The following TENM4 variants were observed in gnomAD, a reference collection of about 807,000 sequenced individuals.
TENM4 encodes the protein teneurin transmembrane protein 4.
Under a neutral mutation model 243.3 loss-of-function variants are expected in TENM4, and 82 were observed. The ratio of observed to expected loss-of-function variants is 0.34; its 90% CI spans 0.28 to 0.40. The LOEUF is 0.40. TENM4 is among the 10% of genes least tolerant of loss of function. The pLI, the probability that TENM4 is intolerant of heterozygous loss-of-function variation, is 1.00. For synonymous variants in TENM4, 1,412 were observed against 1,456.3 expected (o/e 0.97, Z 0.69); for missense variants, 3,138 against 3,673.3 (o/e 0.85, Z 3.77).
At chr11:78,673,105 G>A (rs1034975794) in intron 30 of TENM4, among the ~76,000 whole-genome samples, 1 of 152,086 alleles carries the variant, frequency 6.6e-6, no homozygotes, top group East Asian at 1.9e-4. Flanking sequence ...GATCGGGAGT[G>A]CCTTGTATAA....
chr11:78,805,277 T>TGCCCCCCCCCCCACCCCCCCCCC lies in TENM4; in HGVS notation c.2179+14_2179+15insGGGGGGGGGGTGGGGGGGGGGGC. 7.1e-7 allele frequency: 1 copy of TGCCCCCCCCCCCACCCCCCCCCC among 1,402,550 alleles called. No individual in the cohort carries two copies. Among genetic ancestry groups the TGCCCCCCCCCCCACCCCCCCCCC allele is most frequent in the East Asian group, 3.1e-5 (1 of 32,218 alleles). 86.9% of individuals were successfully genotyped at this position (1,402,550 alleles called of 1,614,324 possible). ...CCCCTCCCTCTACCCATGCTTCTTCTCCCCCTGCATTTACCGATAGAACAG... is the reference window on the plus strand; with the variant it reads ...CCCCTCCCTCTACCCATGCTTCTTCTGCCCCCCCCCCCACCCCCCCCCCCCCCCTGCATTTACCGATAGAACAG... On this transcript the variant is annotated intron_variant, in intron 15 of 33. Coordinates refer to ENST00000278550, the MANE Select transcript of TENM4 (RefSeq NM_001098816.3).
chr11:79,175,190 G>A (rs1272275318), intron 3 of TENM4, among the ~76,000 whole-genome samples: 1 of 152,132 alleles, frequency 6.6e-6, no homozygotes, highest in African/African-American at 2.4e-5. Flanking sequence ...CCAAAGTATA[G>A]CAAAAACCTG....
At chr11:78,770,491 A>G (rs1307819663) in intron 18 of TENM4, among the ~76,000 whole-genome samples, 5 of 152,140 alleles carry the variant, frequency 3.3e-5, no homozygotes, top group Admixed American at 3.3e-4. Flanking sequence ...AAAAAACCCA[A>G]AGCAAAGGCC....
chr11:79,059,716 G>A (rs892459437), intron 6 of TENM4, among the ~76,000 whole-genome samples: 1 of 152,162 alleles, frequency 6.6e-6, no homozygotes, highest in Admixed American at 6.5e-5. Context: ...ATCCCAAACT[G>A]AAAATCTGTA....
chr11:78,959,050 A>G (rs1437023366), intron 6 of TENM4, among the ~76,000 whole-genome samples: 1 of 152,236 alleles, frequency 6.6e-6, no homozygotes, highest in Non-Finnish European at 1.5e-5. Flanking sequence ...AGAGTTGCAC[A>G]TCTGGGATCC....
At chr11:78,891,152 C>A in intron 8 of TENM4, 86 bp downstream of exon 8, 1 of 1,263,702 alleles carries the variant, frequency 7.9e-7, no homozygotes, top group South Asian at 1.3e-5. Context: ...CCCAGAAGAT[C>A]CCAGGGAAAG....
chr11:79,185,704 T>G (rs572423469), intron 3 of TENM4, among the ~76,000 whole-genome samples: 1 of 152,322 alleles, frequency 6.6e-6, no homozygotes, highest in African/African-American at 2.4e-5. Flanking sequence ...TGTCTATGCC[T>G]ACCCCCAAAT....
intron 1 of TENM4, among the ~76,000 whole-genome samples, chr11:79,384,401 T>C (rs1357856284): frequency 6.6e-6 from 1 of 152,118 alleles, no homozygotes; most frequent in East Asian, 1.9e-4. Context: ...TTGGTGTCCT[T>C]CCCTCCAGTC....
At chr11:79,437,788 T>C (rs1198092799) in intron 1 of TENM4, among the ~76,000 whole-genome samples, 1 of 152,154 alleles carries the variant, frequency 6.6e-6, no homozygotes, top group Non-Finnish European at 1.5e-5. Context: ...ATTCCCGCCC[T>C]GCCCGGGGAG....
intron 31 of TENM4, 149 bp from the exon 32 acceptor site, chr11:78,670,700 C>T: frequency 1.3e-6 from 1 of 792,406 alleles, no homozygotes; most frequent in East Asian, 2.6e-5. Context: ...AACCAGAGCT[C>T]TCCAACAGGA....
intron 1 of TENM4, among the ~76,000 whole-genome samples, chr11:79,350,910 G>A (rs1480657068): frequency 6.6e-6 from 1 of 152,026 alleles, no homozygotes; most frequent in Non-Finnish European, 1.5e-5. Flanking sequence ...CTGAGTAAAA[G>A]CTAAATCCTC....
At chr11:79,044,444 A>G (rs1190203947) in intron 6 of TENM4, among the ~76,000 whole-genome samples, 1 of 152,180 alleles carries the variant, frequency 6.6e-6, no homozygotes, top group Non-Finnish European at 1.5e-5. Flanking sequence ...AGGACTGGGT[A>G]GGGAAGATGG....
intron 16 of TENM4, among the ~76,000 whole-genome samples, chr11:78,780,246 T>A (rs1856814988): frequency 6.6e-6 from 1 of 152,236 alleles, no homozygotes; most frequent in Admixed American, 6.5e-5. Context: ...GGGAAATCTT[T>A]CTTGATTCTT....
intron 1 of TENM4, among the ~76,000 whole-genome samples, chr11:79,349,127 C>G (rs1299002150): frequency 2.0e-5 from 3 of 152,118 alleles, no homozygotes; most frequent in Non-Finnish European, 4.4e-5. Context: ...TGGGGAAGGT[C>G]TCATCCTTCC....
At chr11:79,020,852 TA>T (rs1268221117) in intron 6 of TENM4, among the ~76,000 whole-genome samples, 1 of 152,178 alleles carries the variant, frequency 6.6e-6, no homozygotes, top group African/African-American at 2.4e-5. Context: ...AGCCCAGACC[TA>T]GACCTAAGGC....
intron 4 of TENM4, among the ~76,000 whole-genome samples, chr11:79,123,195 T>C (rs748244035): frequency 6.6e-6 from 1 of 152,176 alleles, no homozygotes; most frequent in African/African-American, 2.4e-5. Flanking sequence ...TATGCTTACA[T>C]AGTGCTTACT....
intron 6 of TENM4, among the ~76,000 whole-genome samples, chr11:78,922,205 C>A (rs984874978): frequency 1.3e-5 from 2 of 152,066 alleles, no homozygotes; most frequent in African/African-American, 2.4e-5. Flanking sequence ...GAAGGATGGA[C>A]AGAATTAAAT....
At position 78,664,876 on chromosome 11, in the gene TENM4, A is replaced by G. The variant is rs183231282; in HGVS notation, c.7409-3285T>C. Among the ~76,000 whole-genome samples, 535 of 152,328 alleles carry G rather than the reference A, an allele frequency of 3.5e-3. 2 individuals are homozygous for G. The highest frequency in any genetic ancestry group is 7.4e-3 in the Admixed American group (113 of 15,300). ...ATTCTCAGGAAACTAGGGGGCTGAG[A>G]AGAGGGCTGGGCCTTAATTACAAGT... On this transcript the variant is annotated intron_variant, in intron 32 of 33. Transcript: ENST00000278550.
At chr11:79,046,217 G>C (rs1200939072) in intron 6 of TENM4, among the ~76,000 whole-genome samples, 1 of 152,208 alleles carries the variant, frequency 6.6e-6, no homozygotes, top group African/African-American at 2.4e-5. Context: ...GAGATGCTGT[G>C]AGCCAGGGAG....
Sources: allele counts gnomAD v4.1 joint callset (sites outside exome capture counted in the v4.1 genomes callset), GRCh38; gene constraint gnomAD v4.1.1; transcripts MANE v1.5; gene names NCBI Gene and HGNC (gene_info 2026-07-23, HGNC 2026-07-21).